SLC24A2: variants seen among roughly 807,000 people sequenced by gnomAD.
The protein encoded by SLC24A2 is solute carrier family 24 member 2.
Under a neutral mutation model 62.0 loss-of-function variants are expected in SLC24A2, and 36 were observed. That is an observed-to-expected ratio of 0.58 (90% confidence interval 0.44 to 0.77). SLC24A2 has a LOEUF of 0.77. SLC24A2 is among the 30% of genes least tolerant of loss of function. SLC24A2 has a pLI of 0.00. For missense variants in SLC24A2, 846 were observed against 817.9 expected (o/e 1.03, Z -0.42); for synonymous variants, 358 against 294.0 (o/e 1.22, Z -2.23).
chr9:20,166,455 C>T, the SLC24A2 span, among the ~76,000 whole-genome samples: 1 of 151,786 alleles, frequency 6.6e-6, no homozygotes, highest in African/African-American at 2.4e-5. Context: ...TCAACAACAT[C>T]TATTATGCAA....
chr9:20,057,332 T>C, the SLC24A2 span, among the ~76,000 whole-genome samples: 1 of 152,210 alleles, frequency 6.6e-6, no homozygotes, highest in East Asian at 1.9e-4. Flanking sequence ...CCAAGTATTT[T>C]GTTTTACTGA....
the SLC24A2 span, among the ~76,000 whole-genome samples, chr9:19,981,160 C>T: frequency 1.3e-5 from 2 of 152,116 alleles, no homozygotes; most frequent in Non-Finnish European, 2.9e-5. Context: ...TGCTAAGATA[C>T]CTTTAAAAGC....
At chr9:19,944,728 C>A in the SLC24A2 span, among the ~76,000 whole-genome samples, 1 of 150,248 alleles carries the variant, frequency 6.7e-6, no homozygotes, top group East Asian at 2.0e-4. Flanking sequence ...CAGTATAATG[C>A]GCATGCAGGT....
the SLC24A2 span, among the ~76,000 whole-genome samples, chr9:20,077,110 AT>A: frequency 2.0e-5 from 3 of 151,992 alleles, no homozygotes; most frequent in African/African-American, 7.2e-5. Context: ...CAAATAGAGA[AT>A]AAAAAAGTGG....
the SLC24A2 span, among the ~76,000 whole-genome samples, chr9:20,268,547 T>C: frequency 6.6e-6 from 1 of 152,182 alleles, no homozygotes; most frequent in Admixed American, 6.5e-5. Flanking sequence ...TCCCTCACCA[T>C]GTGCTGCTTT....
intron 2 of SLC24A2, among the ~76,000 whole-genome samples, chr9:19,638,380 C>T (rs1222406951): frequency 6.6e-6 from 1 of 152,124 alleles, no homozygotes; most frequent in African/African-American, 2.4e-5. Context: ...ACCTTTATTG[C>T]CAACGGATAT....
At chr9:20,220,097 G>A in the SLC24A2 span, among the ~76,000 whole-genome samples, 1 of 152,094 alleles carries the variant, frequency 6.6e-6, no homozygotes, top group Admixed American at 6.5e-5. Flanking sequence ...CCTTTTACAT[G>A]CTGATTCCTA....
At chr9:20,251,921 G>A in the SLC24A2 span, among the ~76,000 whole-genome samples, 2 of 152,178 alleles carry the variant, frequency 1.3e-5, no homozygotes. Context: ...GGATTGGCCT[G>A]CCTCTGTATC....
At chr9:19,543,485 G>T (rs1460415690) in intron 8 of SLC24A2, among the ~76,000 whole-genome samples, 3 of 148,514 alleles carry the variant, frequency 2.0e-5, no homozygotes, top group African/African-American at 7.4e-5. Flanking sequence ...TTTTGAATTT[G>T]TTTGCTCTTG....
chr9:19,895,330 C>G, the SLC24A2 span, among the ~76,000 whole-genome samples: 3 of 151,148 alleles, frequency 2.0e-5, no homozygotes, highest in East Asian at 5.8e-4. Context: ...TTGCTGTCTT[C>G]TCAGGGCCTT....
chr9:19,755,034 G>C (rs920514060), intron 2 of SLC24A2, among the ~76,000 whole-genome samples: 17 of 152,058 alleles, frequency 1.1e-4, no homozygotes, highest in African/African-American at 3.6e-4. Flanking sequence ...TTCTGAGCAG[G>C]TATAAAGACT....
At chr9:19,889,686 C>A in the SLC24A2 span, among the ~76,000 whole-genome samples, 1 of 152,198 alleles carries the variant, frequency 6.6e-6, no homozygotes, top group African/African-American at 2.4e-5. Flanking sequence ...GCCACTCACA[C>A]TGAATCATGA....
chr9:19,595,931 G>A (rs1836692354), intron 5 of SLC24A2, among the ~76,000 whole-genome samples: 1 of 152,152 alleles, frequency 6.6e-6, no homozygotes, highest in African/African-American at 2.4e-5. Flanking sequence ...TTGGTAGCAG[G>A]TACTTATTCC....
chr9:20,103,438 G>A, the SLC24A2 span, among the ~76,000 whole-genome samples: 16,859 of 152,194 alleles, frequency 0.11, 998 homozygotes, highest in Middle Eastern at 0.17. Context: ...GCCTAACTGG[G>A]AGGCACCCCC....
At chr9:19,657,760 G>A (rs982228063) in intron 2 of SLC24A2, among the ~76,000 whole-genome samples, 1 of 151,910 alleles carries the variant, frequency 6.6e-6, no homozygotes, top group Admixed American at 6.6e-5. Flanking sequence ...AGCGTCTTGT[G>A]GCGTCATCCA....
the SLC24A2 span, among the ~76,000 whole-genome samples, chr9:19,832,760 C>G: frequency 6.6e-6 from 1 of 152,126 alleles, no homozygotes; most frequent in African/African-American, 2.4e-5. Flanking sequence ...TTAAACTAAA[C>G]AGCTTCTGCA....
chr9:19,570,868 C>T (rs950005808), intron 7 of SLC24A2, among the ~76,000 whole-genome samples: 4 of 152,168 alleles, frequency 2.6e-5, no homozygotes, highest in African/African-American at 9.7e-5. Flanking sequence ...CACCTGATTG[C>T]TCTTGAGGTC....
chr9:20,111,606 T>C, the SLC24A2 span, among the ~76,000 whole-genome samples: 17,191 of 152,182 alleles, frequency 0.11, 1,034 homozygotes, highest in Middle Eastern at 0.18. Flanking sequence ...GCTGAGAGCT[T>C]GTTAGAAATG....
At chr9:19,891,510 C>T in the SLC24A2 span, among the ~76,000 whole-genome samples, 70 of 152,126 alleles carry the variant, frequency 4.6e-4, no homozygotes, top group African/African-American at 1.6e-3. Context: ...TTGTGGTAGA[C>T]GGTGAAGGGG....
Sources: gnomAD v4.1 joint callset for allele counts (sites outside exome capture counted in the v4.1 genomes callset) on GRCh38, gnomAD v4.1.1 for gene constraint, MANE v1.5 for transcripts, NCBI Gene and HGNC (gene_info 2026-07-23, HGNC 2026-07-21) for gene names.